Variants in RAD51B observed in about 807,000 individuals in gnomAD.
The protein encoded by RAD51B is RAD51 paralog B.
RAD51B carries 38 observed loss-of-function variants against 42.2 expected under a neutral mutation model. The observed-to-expected ratio is 0.90, with a 90% CI of 0.70 to 1.18. The LOEUF is 1.18. Ranked by LOEUF, RAD51B falls within the 50% of genes most tolerant of loss-of-function variation. The probability of loss-of-function intolerance (pLI) is 0.00; values close to 1 mark genes in which losing one functional copy is unlikely to be tolerated. For synonymous variants in RAD51B, 154 were observed against 145.2 expected (o/e 1.06, Z -0.43); for missense variants, 373 against 400.7 (o/e 0.93, Z 0.59).
chr14:68,638,328 T>C (rs1368393108), intron 10 of RAD51B, among the ~76,000 whole-genome samples: 1 of 152,164 alleles, frequency 6.6e-6, no homozygotes, highest in Non-Finnish European at 1.5e-5. Flanking sequence ...TAAAGAGCTT[T>C]AGATTGATGT....
intron 8 of RAD51B, among the ~76,000 whole-genome samples, chr14:68,377,638 C>T (rs1282892226): frequency 6.6e-6 from 1 of 152,210 alleles, no homozygotes; most frequent in Non-Finnish European, 1.5e-5. Context: ...TGGTGTAGGA[C>T]AATACCAGTA....
Position 67,917,802 on chromosome 14 carries a change from G to A in RAD51B, c.756+30598G>A, listed in dbSNP as rs185957482. The stretch of plus-strand genomic sequence containing the variant: ...TGGACAGAGCAGATTTGAGGGGGAA[G>A]ATCAGGAGTTCAGTACTATATATAT... On this transcript the variant is annotated intron_variant, in intron 7 of 10. Coordinates refer to ENST00000471583, the MANE Select transcript of RAD51B (RefSeq NM_133510.4). 7.9e-5 allele frequency among the ~76,000 whole-genome samples: 12 copies of A among 152,208 alleles called. No individual in the cohort carries two copies. The East Asian group carries it at 2.3e-3, about 29-fold the overall frequency.
chr14:67,985,385 G>A (rs2075166437), intron 7 of RAD51B, among the ~76,000 whole-genome samples: 1 of 152,160 alleles, frequency 6.6e-6, no homozygotes, highest in South Asian at 2.1e-4. Context: ...AGAGGCATAT[G>A]TAACATGTAG....
intron 8 of RAD51B, among the ~76,000 whole-genome samples, chr14:68,327,723 T>C (rs190488137): frequency 9.3e-6 from 1 of 107,226 alleles, no homozygotes; most frequent in East Asian, 2.5e-4. Flanking sequence ...CGAGAAGGTA[T>C]TATTAAAAAA....
intron 4 of RAD51B, among the ~76,000 whole-genome samples, chr14:67,841,483 G>A (rs989602332): frequency 5.9e-5 from 9 of 152,114 alleles, no homozygotes; most frequent in Non-Finnish European, 1.2e-4. Context: ...TTAGCCATTA[G>A]TTCTTTGCCA....
In RAD51B at chr14:68,556,418, G is replaced by A. The variant is rs948667074; in HGVS notation, c.1037-38067G>A. 2.0e-5 allele frequency among the ~76,000 whole-genome samples: 3 copies of A among 152,302 alleles called. No individual in the cohort carries two copies. In the South Asian group the frequency reaches 6.2e-4, roughly 32 times the overall value. On this transcript the variant is annotated intron_variant, in intron 10 of 10. Coordinates refer to the RAD51B transcript ENST00000487270. ...CCTCAGCATGCCCTTCCTCCCTGCA[G>A]ATCGCTCCCAGATGGCTCCTAAAGC...
intron 7 of RAD51B, among the ~76,000 whole-genome samples, chr14:68,072,823 C>T (rs2076774600): frequency 6.6e-6 from 1 of 152,118 alleles, no homozygotes; most frequent in African/African-American, 2.4e-5. Context: ...TGTTTAATTT[C>T]CATTTAATTG....
intron 9 of RAD51B, among the ~76,000 whole-genome samples, chr14:68,414,746 C>T (rs1313643407): frequency 9.3e-5 from 14 of 150,742 alleles, no homozygotes; most frequent in Non-Finnish European, 1.6e-4. Context: ...CTCGGCAGGA[C>T]GCAGTGGCTC....
intron 7 of RAD51B, among the ~76,000 whole-genome samples, chr14:68,238,480 T>C (rs2080314167): frequency 6.6e-6 from 1 of 152,104 alleles, no homozygotes; most frequent in South Asian, 2.1e-4. Context: ...TTTAAAAAAT[T>C]TTTTGTAGAG....
chr14:68,464,036 A>G (rs1410679648), intron 9 of RAD51B, among the ~76,000 whole-genome samples: 4 of 152,224 alleles, frequency 2.6e-5, no homozygotes, highest in African/African-American at 9.7e-5. Flanking sequence ...GCTGTTCCAT[A>G]ATGAATCATT....
intron 10 of RAD51B, among the ~76,000 whole-genome samples, chr14:68,507,259 G>A (rs762406191): frequency 4.6e-5 from 7 of 152,234 alleles, no homozygotes; most frequent in East Asian, 1.9e-4. Flanking sequence ...CAATCTGCTC[G>A]GGCCAGTGGC....
intron 7 of RAD51B, among the ~76,000 whole-genome samples, chr14:68,283,230 AG>A (rs1166301221): frequency 6.6e-6 from 1 of 152,172 alleles, no homozygotes; most frequent in Non-Finnish European, 1.5e-5. Context: ...ACACCTAAAA[AG>A]GTCAGCAGAA....
At chr14:67,921,655 T>C (rs2044330672) in intron 7 of RAD51B, among the ~76,000 whole-genome samples, 1 of 147,426 alleles carries the variant, frequency 6.8e-6, no homozygotes, top group Non-Finnish European at 1.5e-5. Flanking sequence ...TAGGCCAGGA[T>C]AAAATTTAGG....
chr14:67,835,548 T>C (rs2041210280), intron 4 of RAD51B, among the ~76,000 whole-genome samples: 1 of 149,112 alleles, frequency 6.7e-6, no homozygotes, highest in South Asian at 2.1e-4. Flanking sequence ...TGTACACACG[T>C]CACATATATG....
exon 11 of RAD51B, chr14:68,611,160 G>A: frequency 1.4e-6 from 1 of 703,096 alleles, no homozygotes; most frequent in East Asian, 2.7e-5. Context: ...CTCCACAGAT[G>A]CACTCAACTG....
exon 11 of RAD51B, chr14:68,594,963 G>A (rs1312490352): frequency 6.5e-6 from 7 of 1,078,010 alleles, no homozygotes; most frequent in South Asian, 4.2e-5. Flanking sequence ...AAGGCACCCC[G>A]CCACCCACTG....
At chr14:68,407,786 G>A (rs1028487667) in intron 8 of RAD51B, among the ~76,000 whole-genome samples, 3 of 152,214 alleles carry the variant, frequency 2.0e-5, no homozygotes, top group Admixed American at 6.5e-5. Flanking sequence ...ACATAGGGGA[G>A]TTCCAGATGA....
intron 9 of RAD51B, among the ~76,000 whole-genome samples, chr14:68,452,797 G>A (rs1490153293): frequency 6.6e-6 from 1 of 152,192 alleles, no homozygotes; most frequent in African/African-American, 2.4e-5. Context: ...CCTATGAGAT[G>A]AGTGCTATTG....
intron 8 of RAD51B, among the ~76,000 whole-genome samples, chr14:68,375,044 C>T (rs2083338590): frequency 1.3e-5 from 2 of 151,684 alleles, no homozygotes; most frequent in African/African-American, 4.8e-5. Flanking sequence ...ATTTCTCCTG[C>T]TTGGAAAAAC....
Sources: gnomAD v4.1 joint callset for allele counts (sites outside exome capture counted in the v4.1 genomes callset) on GRCh38, gnomAD v4.1.1 for gene constraint, MANE v1.5 for transcripts, NCBI Gene and HGNC (gene_info 2026-07-23, HGNC 2026-07-21) for gene names.